The following GRB14 variants were observed in gnomAD, a reference collection of about 807,000 sequenced individuals.
GRB14 encodes growth factor receptor-bound protein 14.
GRB14 carries 38 observed loss-of-function variants against 69.1 expected under a neutral mutation model. The ratio of observed to expected loss-of-function variants is 0.55; its 90% CI spans 0.42 to 0.72. The LOEUF (loss-of-function observed/expected upper bound fraction) is 0.72. Ranked by LOEUF, GRB14 falls within the 30% of genes least tolerant of loss-of-function variation. GRB14 has a pLI of 0.00. For synonymous variants in GRB14, 247 were observed against 241.3 expected, an observed-to-expected ratio of 1.02 and a Z score of -0.22; for missense variants, 666 against 666.1, an observed-to-expected ratio of 1.00 and a Z score of 0.00.
At chr2:164,508,374 C>A in intron 8 of GRB14, 81 bp downstream of exon 8, 1 of 1,106,256 alleles carries the variant, frequency 9.0e-7, no homozygotes, top group Non-Finnish European at 1.4e-6. Flanking sequence ...AGTGAGACTT[C>A]ACGTTCTGAA....
Position 164,582,524 on chromosome 2 carries a change from C to G in GRB14, c.325-34708G>C, listed in dbSNP as rs1394938318. Among the ~76,000 whole-genome samples, 3 of 151,648 alleles carry G rather than the reference C, an allele frequency of 2.0e-5. No individual in the cohort carries two copies. In the South Asian group the frequency reaches 6.2e-4, roughly 31 times the overall value. On this transcript the variant is annotated intron_variant, in intron 2 of 13. Coordinates refer to ENST00000263915, the MANE Select transcript of GRB14 (RefSeq NM_004490.3). ...GCAGCCTCTGCCTCCCAGGTTCAGG[C>G]AATTCTCTGCCTCAGCCTCCCGAGT...
intron 2 of GRB14, among the ~76,000 whole-genome samples, chr2:164,549,950 T>C (rs1243748958): frequency 6.7e-6 from 1 of 150,158 alleles, no homozygotes; most frequent in East Asian, 1.9e-4. Context: ...TCATATTCTA[T>C]ATTTAAATTC....
chr2:164,564,954 G>A (rs1423473250), intron 2 of GRB14, among the ~76,000 whole-genome samples: 1 of 152,276 alleles, frequency 6.6e-6, no homozygotes, highest in East Asian at 1.9e-4. Flanking sequence ...GGCAGAGGTT[G>A]CAGTGAGCCA....
At chr2:164,560,103 T>G (rs7576322) in intron 2 of GRB14, among the ~76,000 whole-genome samples, 1 of 151,976 alleles carries the variant, frequency 6.6e-6, no homozygotes, top group Non-Finnish European at 1.5e-5. Flanking sequence ...GGTCACCAGC[T>G]GAGCCAGCCA....
chr2:164,529,946 T>G (rs1687879686), intron 3 of GRB14, among the ~76,000 whole-genome samples: 1 of 152,218 alleles, frequency 6.6e-6, no homozygotes, highest in African/African-American at 2.4e-5. Flanking sequence ...AAACTCATCT[T>G]AGGGCTAAAA....
At position 164,494,630 on chromosome 2, in the gene GRB14, C is replaced by A. The variant is rs1047146297; in HGVS notation, c.1383-106G>T. On this transcript the variant is annotated intron_variant, in intron 12 of 13. Coordinates refer to ENST00000263915, the MANE Select transcript of GRB14 (RefSeq NM_004490.3). ...GTGTATGCATAAATGTAGCTGGGGA[C>A]TCCTTTACTATGTATTCAATGGGTG... The A allele has an allele frequency of 6.7e-6, 5 of 741,824 alleles. No individual in the cohort carries two copies. The South Asian group carries it at 7.4e-5, about 11-fold the overall frequency. 46.0% of individuals were successfully genotyped at this position (741,824 alleles called of 1,614,324 possible).
intron 8 of GRB14, among the ~76,000 whole-genome samples, chr2:164,503,442 C>CAGAAAAAAAAAAAAAA (rs1687115723): frequency 1.1e-5 from 1 of 92,258 alleles, no homozygotes; most frequent in Non-Finnish European, 1.8e-5. Context: ...GGTAATTAGG[C>CAGAAAAAAAAAAAAAA]AAAAAAAAAA....
At chr2:164,554,429 G>A (rs1688626057) in intron 2 of GRB14, among the ~76,000 whole-genome samples, 2 of 152,088 alleles carry the variant, frequency 1.3e-5, no homozygotes, top group African/African-American at 4.8e-5. Context: ...GGACCCTAAA[G>A]AAGAATAGGA....
At chr2:164,502,651 T>TA (rs569764293) in intron 8 of GRB14, among the ~76,000 whole-genome samples, 14,866 of 141,328 alleles carry the variant, frequency 0.11, 1,013 homozygotes, top group East Asian at 0.34. Flanking sequence ...TGCCTCATGA[T>TA]AAAAAAAAAA....
chr2:164,574,141 G>C (rs764473514), intron 2 of GRB14: 137 of 649,942 alleles, frequency 2.1e-4, no homozygotes, highest in Non-Finnish European at 3.6e-4. Flanking sequence ...AAATGACATA[G>C]AGTCAGTCTT....
intron 2 of GRB14, among the ~76,000 whole-genome samples, chr2:164,549,051 AT>A (rs36035232): frequency 6.6e-6 from 1 of 150,492 alleles, no homozygotes; most frequent in South Asian, 2.1e-4. Context: ...CTAATTTTGT[AT>A]TTTTTTTTAG....
At chr2:164,576,777 A>G (rs911401209) in intron 2 of GRB14, among the ~76,000 whole-genome samples, 2 of 151,772 alleles carry the variant, frequency 1.3e-5, no homozygotes, top group African/African-American at 2.4e-5. Flanking sequence ...AAACCTAAGG[A>G]AATCAGAAAG....
chr2:164,604,338 A>G (rs997258411), intron 2 of GRB14, among the ~76,000 whole-genome samples: 3 of 152,256 alleles, frequency 2.0e-5, no homozygotes, highest in African/African-American at 7.2e-5. Flanking sequence ...TAAACAAAAA[A>G]TTGTGGTACA....
chr2:164,546,202 G>A lies in GRB14; in HGVS notation c.481+1458C>T, dbSNP rs190763543. 1.9e-3 allele frequency among the ~76,000 whole-genome samples: 283 copies of A among 152,174 alleles called. 1 individual carries two copies. Among genetic ancestry groups the A allele is most frequent in the Middle Eastern group, 3.4e-3 (1 of 294 alleles). On this transcript the variant is annotated intron_variant, in intron 3 of 13. Coordinates refer to ENST00000263915, the MANE Select transcript of GRB14 (RefSeq NM_004490.3). ...TTCCCATAGATCTTTAAATGAAGAG[G>A]GGTGGGTAAATTATAAAAATTTCTA...
At chr2:164,620,085 C>T (rs1244678606) in intron 1 of GRB14, 7 of 241,962 alleles carry the variant, frequency 2.9e-5, no homozygotes, top group East Asian at 7.2e-5. Flanking sequence ...CCCTCCCCCC[C>T]CCACCGCCTT....
chr2:164,508,465 CTA>C lies in GRB14; in HGVS notation c.1011_1012del (p.Ile337MetfsTer4), dbSNP rs1462824246. 6.2e-7 allele frequency: 1 copy of C among 1,613,874 alleles called. No individual in the cohort carries two copies. The highest frequency in any genetic ancestry group is 8.5e-7 in the Non-Finnish European group (1 of 1,179,812). The stretch of plus-strand genomic sequence containing the variant: ...CTCCGGCGAGATTACCTTAAGCAAT[CTA>C]ATCGCGGTCACCCAGCACGTCCTAC... On this transcript the variant is annotated frameshift_variant, in exon 8 of 14. Coordinates refer to ENST00000263915, the MANE Select transcript of GRB14 (RefSeq NM_004490.3). LOFTEE classifies it high-confidence loss of function.
intron 2 of GRB14, among the ~76,000 whole-genome samples, chr2:164,568,784 T>C (rs1175601846): frequency 6.6e-6 from 1 of 152,184 alleles, no homozygotes; most frequent in Non-Finnish European, 1.5e-5. Context: ...TTTACATTGG[T>C]CTATTTAAAG....
At chr2:164,497,994 T>C (rs949830115) in intron 9 of GRB14, among the ~76,000 whole-genome samples, 1 of 152,162 alleles carries the variant, frequency 6.6e-6, no homozygotes, top group Admixed American at 6.6e-5. Flanking sequence ...AGTTATAACT[T>C]AGATTGACAT....
chr2:164,515,021 A>G (rs1249236235), intron 6 of GRB14, among the ~76,000 whole-genome samples: 1 of 152,190 alleles, frequency 6.6e-6, no homozygotes, highest in Non-Finnish European at 1.5e-5. Context: ...TGGCCTGAGA[A>G]CAACACTTCC....
Sources: gnomAD v4.1 joint callset for allele counts (sites outside exome capture counted in the v4.1 genomes callset) on GRCh38, gnomAD v4.1.1 for gene constraint, MANE v1.5 for transcripts, NCBI Gene and HGNC (gene_info 2026-07-23, HGNC 2026-07-21) for gene names.